The following TMEM184B variants were observed in gnomAD, a reference collection of about 807,000 sequenced individuals.
TMEM184B encodes the protein transmembrane protein 184B.
In TMEM184B, 17 loss-of-function variants were observed where a neutral mutation model predicts 41.8. The observed-to-expected ratio is 0.41, with a 90% CI of 0.28 to 0.61. The LOEUF (loss-of-function observed/expected upper bound fraction) is 0.61, where lower values mean the gene tolerates loss of function less well. Among genes scored for constraint, TMEM184B ranks in the 20% least tolerant of loss-of-function variants. TMEM184B has a pLI of 0.34. For synonymous variants in TMEM184B, 240 were observed against 229.5 expected, an observed-to-expected ratio of 1.05 and a Z score of -0.41; for missense variants, 393 against 557.8, an observed-to-expected ratio of 0.70 and a Z score of 2.98.
rs763884048 is a variant in TMEM184B, at chr22:38,231,200, A to G, written c.449+44T>C. 6 of 1,555,856 alleles carry G rather than the reference A, an allele frequency of 3.9e-6. No homozygotes were observed. The African/African-American group carries it at 8.1e-5, about 21-fold the overall frequency. Reference sequence around the variant, plus strand: ...GGACGGCTCGAGGTACACCAGGCCCAGGAAACGGGGTGGTTTAGGGCTCTG... The same window carrying G: ...GGACGGCTCGAGGTACACCAGGCCCGGGAAACGGGGTGGTTTAGGGCTCTG... On this transcript the variant is annotated intron_variant, in intron 4 of 8. Transcript: ENST00000361906.
chr22:38,224,721 G>A, intron 8 of TMEM184B, 64 bp downstream of exon 8: 1 of 1,490,740 alleles, frequency 6.7e-7, no homozygotes, highest in Non-Finnish European at 9.0e-7. Flanking sequence ...AGGTGGGAGG[G>A]TCCTGGGATG....
intron 1 of TMEM184B, among the ~76,000 whole-genome samples, chr22:38,265,228 T>C (rs900147220): frequency 2.0e-5 from 3 of 152,164 alleles, no homozygotes; most frequent in Non-Finnish European, 4.4e-5. Context: ...CTCCTGCACT[T>C]CACCTGCCAA....
intron 3 of TMEM184B, among the ~76,000 whole-genome samples, chr22:38,233,366 C>G (rs1420124306): frequency 6.6e-6 from 1 of 152,210 alleles, no homozygotes; most frequent in Non-Finnish European, 1.5e-5. Context: ...ATCACAGGAG[C>G]ACCAACTTGG....
In TMEM184B at chr22:38,226,704, C is replaced by T. The variant is rs1336991741; in HGVS notation, c.617+75G>A. On this transcript the variant is annotated intron_variant, in intron 6 of 8. Transcript: ENST00000361906. This position sits in a 1 kb window ranked among gnomAD's most constrained non-coding sequence, Gnocchi z 4.6. ...CATGGCTGTGCGGCCACTCTGGCTG[C>T]CCCCTTCCCTGAGCCAAGGCACCAG... is the stretch of plus-strand genomic sequence containing the variant. 2.1e-6 allele frequency: 3 copies of T among 1,442,638 alleles called. No individual in the cohort carries two copies. The highest frequency in any genetic ancestry group is 1.9e-4 in the Middle Eastern group (1 of 5,218). The allele number at this position is 1,442,638 out of a possible 1,614,324, so 89.4% of individuals were successfully genotyped here.
At chr22:38,261,421 G>C (rs2092366947) in intron 1 of TMEM184B, among the ~76,000 whole-genome samples, 2 of 152,086 alleles carry the variant, frequency 1.3e-5, no homozygotes, top group Admixed American at 1.3e-4. Context: ...CCCTTCTCCT[G>C]GGCCAAGTTC....
chr22:38,269,636 G>A (rs2092492556), intron 1 of TMEM184B, among the ~76,000 whole-genome samples: 2 of 152,164 alleles, frequency 1.3e-5, no homozygotes, highest in Admixed American at 1.3e-4. Context: ...GGTAGAAGCT[G>A]CAGCAAGCTA....
chr22:38,259,009 C>T (rs1242410668), intron 1 of TMEM184B, among the ~76,000 whole-genome samples: 5 of 152,160 alleles, frequency 3.3e-5, no homozygotes, highest in African/African-American at 4.8e-5. Flanking sequence ...CAGGAGCTGG[C>T]CGTGGGACCC....
chr22:38,242,978 C>T (rs1279635039), intron 3 of TMEM184B, among the ~76,000 whole-genome samples: 2 of 146,520 alleles, frequency 1.4e-5, no homozygotes, highest in Non-Finnish European at 3.0e-5. Context: ...AGGGGAATCA[C>T]TTGAACCTAG....
intron 1 of TMEM184B, among the ~76,000 whole-genome samples, chr22:38,271,216 C>T (rs1022114125): frequency 6.6e-6 from 1 of 152,132 alleles, no homozygotes; most frequent in African/African-American, 2.4e-5. Context: ...ACTGGGAGCC[C>T]CTAGAAGGCA....
intron 2 of TMEM184B, 110 bp downstream of exon 2, chr22:38,247,660 G>A: frequency 7.4e-7 from 1 of 1,357,792 alleles, no homozygotes; most frequent in Admixed American, 2.8e-5. Context: ...GAGAACAGAG[G>A]GCTTACCTAC....
chr22:38,244,811 C>A (rs1056218015), intron 3 of TMEM184B, among the ~76,000 whole-genome samples: 13 of 152,196 alleles, frequency 8.5e-5, no homozygotes, highest in African/African-American at 2.9e-4. Context: ...CTGTCTAGGG[C>A]AGACCTGGGC....
chr22:38,263,929 C>T (rs1248491452), intron 1 of TMEM184B, among the ~76,000 whole-genome samples: 2 of 152,140 alleles, frequency 1.3e-5, no homozygotes, highest in Non-Finnish European at 2.9e-5. Flanking sequence ...CTCAGCCTCC[C>T]GAGTAGCTGG....
chr22:38,265,968 G>A (rs991733039), intron 1 of TMEM184B, among the ~76,000 whole-genome samples: 2 of 152,230 alleles, frequency 1.3e-5, no homozygotes, highest in Non-Finnish European at 2.9e-5. Context: ...GCCCCATTCT[G>A]GGTGCAGGCA....
intron 3 of TMEM184B, among the ~76,000 whole-genome samples, chr22:38,244,984 C>A (rs1389309352): frequency 1.3e-5 from 2 of 152,242 alleles, no homozygotes; most frequent in Non-Finnish European, 2.9e-5. Context: ...TCTTGGCAAC[C>A]CAGCTCCTGG....
rs753571793 is a variant in TMEM184B at position 38,221,664 on chromosome 22, G to A, written c.1029C>T (p.Thr343=). The change falls in exon 9 of 9, where the codon ACC becomes ACT. Residue 343 remains threonine, a synonymous_variant. Transcript: ENST00000361906. ...CCTGCACGATGTCGTGCGGGTTCATGGTCTCCTTGAGGCTGCTGGAGATGC... is the reference window on the plus strand; with the variant it reads ...CCTGCACGATGTCGTGCGGGTTCATAGTCTCCTTGAGGCTGCTGGAGATGC... ...MKSISSSLKE[T]MNPHDIVQDA... 1 of 1,614,082 alleles carries A rather than the reference G, an allele frequency of 6.2e-7. No individual in the cohort carries two copies. Among genetic ancestry groups the A allele is most frequent in the South Asian group, 1.1e-5 (1 of 91,078 alleles).
At chr22:38,218,454 T>C (rs915967260), downstream of TMEM184B, among the ~76,000 whole-genome samples, 4 of 151,948 alleles carry the variant, frequency 2.6e-5, no homozygotes, top group African/African-American at 4.8e-5. Context: ...GGGCTGCAGG[T>C]TTTAACACTC....
intron 3 of TMEM184B, among the ~76,000 whole-genome samples, chr22:38,232,710 C>T (rs1270713368): frequency 6.6e-6 from 1 of 152,186 alleles, no homozygotes; most frequent in Non-Finnish European, 1.5e-5. Context: ...CTGGTGCCGC[C>T]CAGCTTGGCA....
In TMEM184B at chr22:38,247,069, T is replaced by A. The variant is rs146076615; in HGVS notation, c.192+701A>T. ...AAACCTCTGCAGCCACCAAGGCCCG[T>A]CCCAGCCCACATCAGCCTCCTCTGG... On this transcript the variant is annotated intron_variant, in intron 2 of 8. Transcript: ENST00000361906. Among the ~76,000 whole-genome samples, 112 of 152,214 alleles carry A rather than the reference T, an allele frequency of 7.4e-4. 4 individuals are homozygous for A. The East Asian group carries it at 0.02, about 27-fold the overall frequency.
chr22:38,231,230 G>T lies in TMEM184B; in HGVS notation c.449+14C>A, dbSNP rs1312939697. The T allele has an allele frequency of 1.2e-6, 2 of 1,611,634 alleles. No homozygotes were observed. Among genetic ancestry groups the T allele is most frequent in the Non-Finnish European group, 1.7e-6 (2 of 1,177,744 alleles). On this transcript the variant is annotated intron_variant, in intron 4 of 8. Transcript: ENST00000361906. Reference sequence around the variant, plus strand: ...ACGGGGTGGTTTAGGGCTCTGGGAAGACTCCATACTCACTCAATGGGTTTT... The same window carrying T: ...ACGGGGTGGTTTAGGGCTCTGGGAATACTCCATACTCACTCAATGGGTTTT...
Sources: gnomAD v4.1 joint callset for allele counts (sites outside exome capture counted in the v4.1 genomes callset) on GRCh38, gnomAD v4.1.1 for gene constraint, Gnocchi (gnomAD v3.1) non-coding constraint, MANE v1.5 for transcripts, NCBI Gene and HGNC (gene_info 2026-07-23, HGNC 2026-07-21) for gene names.